DNAH6: variants seen among roughly 807,000 people sequenced by gnomAD.
DNAH6 encodes dynein axonemal heavy chain 6, also known as axonemal beta dynein heavy chain 6.
Under a neutral mutation model 491.4 loss-of-function variants are expected in DNAH6, and 340 were observed. The observed-to-expected ratio is 0.69, with a 90% CI of 0.63 to 0.76. The LOEUF (loss-of-function observed/expected upper bound fraction) is 0.76, where lower values mean the gene tolerates loss of function less well. Ranked by LOEUF, DNAH6 falls within the 30% of genes least tolerant of loss-of-function variation. The pLI is 0.00. For synonymous variants in DNAH6, 1,603 were observed against 1,686.1 expected, an observed-to-expected ratio of 0.95 and a Z score of 1.21; for missense variants, 4,443 against 4,972.2, an observed-to-expected ratio of 0.89 and a Z score of 3.20.
At chr2:84,784,414 A>G (rs761176063) in intron 65 of DNAH6, among the ~76,000 whole-genome samples, 4 of 152,214 alleles carry the variant, frequency 2.6e-5, no homozygotes, top group Admixed American at 6.5e-5. Context: ...TCAACTGAAA[A>G]TGTTTCCTAT....
chr2:84,688,238 CAA>C (rs34421243), intron 44 of DNAH6, among the ~76,000 whole-genome samples, 199 bp from the exon 45 acceptor site: 7 of 95,798 alleles, frequency 7.3e-5, no homozygotes, highest in Admixed American at 1.2e-4. Context: ...GACTCCATCT[CAA>C]AAAAAAAAAA....
Position 84,541,897 on chromosome 2 carries a change from G to A in DNAH6, c.663-2336G>A, listed in dbSNP as rs74503224. Among the ~76,000 whole-genome samples the A allele has an allele frequency of 2.1e-3, 319 of 152,274 alleles. 4 individuals carry two copies. In the East Asian group the frequency reaches 0.045, roughly 21 times the overall value. On this transcript the variant is annotated intron_variant, in intron 4 of 76. Coordinates refer to ENST00000389394, the MANE Select transcript of DNAH6 (RefSeq NM_001370.2). The stretch of plus-strand genomic sequence containing the variant: ...GAATACATAAAGATTCTCATTCTGC[G>A]ATGGACTCAGAAATCTAGATTCTTA...
intron 33 of DNAH6, among the ~76,000 whole-genome samples, chr2:84,647,917 A>C (rs1690048881): frequency 6.6e-6 from 1 of 152,204 alleles, no homozygotes; most frequent in Non-Finnish European, 1.5e-5. Context: ...GCATGATGTT[A>C]ACATTGTTTT....
At chr2:84,694,226 AC>A in intron 45 of DNAH6, 22 bp from the exon 46 acceptor site, 1 of 1,546,080 alleles carries the variant, frequency 6.5e-7, no homozygotes, top group Non-Finnish European at 8.8e-7. Flanking sequence ...CTTGAAATAA[AC>A]CCTCTGCTCT....
Position 84,688,600 on chromosome 2 carries a change from T to C in DNAH6, c.7292+7T>C, listed in dbSNP as rs919880871. ...CTATAGAACATGTTTCAAGGTATAGTGCTATAAGGCGCCCAATAATGCATT... is the reference window on the plus strand; with the variant it reads ...CTATAGAACATGTTTCAAGGTATAGCGCTATAAGGCGCCCAATAATGCATT... On this transcript the variant is annotated splice_region_variant and intron_variant, in intron 45 of 76. Transcript: ENST00000389394. The C allele has an allele frequency of 6.6e-7, 1 of 1,519,732 alleles. No individual in the cohort carries two copies. The highest frequency in any genetic ancestry group is 1.4e-5 in the African/African-American group (1 of 70,790). The allele number at this position is 1,519,732 out of a possible 1,614,324, so 94.1% of individuals were successfully genotyped here.
the DNAH6 span, among the ~76,000 whole-genome samples, chr2:84,506,886 G>A: frequency 6.6e-6 from 1 of 152,048 alleles, no homozygotes; most frequent in East Asian, 1.9e-4. Context: ...TAGATATGTG[G>A]CATTATTTCT....
chr2:84,584,128 C>T lies in DNAH6; in HGVS notation c.2359C>T (p.Arg787Trp), dbSNP rs528837161. 247 of 1,614,036 alleles carry T rather than the reference C, an allele frequency of 1.5e-4. 2 individuals carry two copies. The South Asian group carries it at 2.0e-3, about 13-fold the overall frequency. ...ATMKPSIVAV[R>W]NAIDKSVGDR... ...TATGAAGCCATCCATTGTTGCTGTT[C>T]GGAATGCCATTGATAAATCAGTGGG... Residue 787 changes from arginine (R) to tryptophan (W), a missense_variant, in exon 15 of 77, where the codon CGG becomes TGG. Around this residue, in one of 3 missense-constraint regions of DNAH6, gnomAD observed 2,977 missense variants for 3,296.6 expected, o/e 0.90. Transcript: ENST00000389394.
intron 18 of DNAH6, 51 bp from the exon 19 acceptor site, chr2:84,604,288 T>G: frequency 7.1e-7 from 1 of 1,407,574 alleles, no homozygotes; most frequent in Non-Finnish European, 9.8e-7. Flanking sequence ...ACCTGTGGGT[T>G]ATATTTTTAA....
intron 64 of DNAH6, among the ~76,000 whole-genome samples, chr2:84,781,231 C>A (rs1273169378): frequency 6.6e-6 from 1 of 152,122 alleles, no homozygotes; most frequent in Non-Finnish European, 1.5e-5. Context: ...AGTGTATCAG[C>A]ACAGGTCTCT....
chr2:84,702,796 A>G (rs146016978), intron 49 of DNAH6, among the ~76,000 whole-genome samples: 149 of 152,232 alleles, frequency 9.8e-4, no homozygotes, highest in African/African-American at 3.4e-3. Flanking sequence ...TCAGCCTCCC[A>G]AAGTGCTGGC....
In DNAH6 at chr2:84,656,567, T is replaced by C. The variant is rs534479253; in HGVS notation, c.5758-1725T>C. On this transcript the variant is annotated intron_variant, in intron 35 of 76. Coordinates refer to ENST00000389394, the MANE Select transcript of DNAH6 (RefSeq NM_001370.2). ...AGCATCTTTTCATATGTTTGTTTGC[T>C]ATCTATGTATCGTATTTCATGAGGT... Among the ~76,000 whole-genome samples, 8 of 152,222 alleles carry C rather than the reference T, an allele frequency of 5.3e-5. No homozygotes were observed. In the South Asian group the frequency reaches 1.7e-3, roughly 32 times the overall value.
chr2:84,509,951 G>T, the DNAH6 span, among the ~76,000 whole-genome samples: 46 of 152,330 alleles, frequency 3.0e-4, 1 homozygote, highest in African/African-American at 1.1e-3. Context: ...TTAGCTGTTA[G>T]TCTGATGGGC....
At chr2:84,798,822 G>A (rs1046448796) in intron 70 of DNAH6, among the ~76,000 whole-genome samples, 2 of 152,090 alleles carry the variant, frequency 1.3e-5, no homozygotes, top group African/African-American at 2.4e-5. Flanking sequence ...TAGGGGCCAG[G>A]GGAAAAATCC....
At chr2:84,479,535 T>C in the DNAH6 span, among the ~76,000 whole-genome samples, 1 of 152,236 alleles carries the variant, frequency 6.6e-6, no homozygotes, top group African/African-American at 2.4e-5. Flanking sequence ...ATTACCAATG[T>C]CTACACACAA....
Position 84,670,487 on chromosome 2 carries a change from T to G in DNAH6, c.6454+12T>G. The G allele has an allele frequency of 6.8e-7, 1 of 1,479,712 alleles. No homozygotes were observed. Among genetic ancestry groups the G allele is most frequent in the Non-Finnish European group, 9.1e-7 (1 of 1,095,620 alleles). The allele number at this position is 1,479,712 out of a possible 1,614,324, so 91.7% of individuals were successfully genotyped here. A position where few individuals can be genotyped will look rare whatever the true frequency, so the allele number is the denominator to read the frequency against. The stretch of plus-strand genomic sequence containing the variant: ...AAAAAATATTCTAGGTAAGAATCAT[T>G]ATTTTAGTTTGTCCCACACAAATTA... On this transcript the variant is annotated intron_variant, in intron 39 of 76. Transcript: ENST00000389394.
Position 84,672,493 on chromosome 2 carries a change from A to G in DNAH6, c.6612+9A>G, listed in dbSNP as rs1232980742. 3 of 1,545,144 alleles carry G rather than the reference A, an allele frequency of 1.9e-6. No individual in the cohort carries two copies. Among genetic ancestry groups the G allele is most frequent in the Non-Finnish European group, 2.6e-6 (3 of 1,143,866 alleles). ...TTTGGAAAGAAATACAGGTTACTTT[A>G]GCTTTTAAATTACTTGGTGTGCTTA... On this transcript the variant is annotated intron_variant, in intron 40 of 76. Transcript: ENST00000389394.
the DNAH6 span, among the ~76,000 whole-genome samples, chr2:84,502,295 G>A: frequency 3.2e-4 from 48 of 152,148 alleles, 1 homozygote; most frequent in East Asian, 5.2e-3. Context: ...CATTCGGAGC[G>A]TATTGTTTAC....
At chr2:84,537,812 C>A (rs961651563) in intron 4 of DNAH6, among the ~76,000 whole-genome samples, 1 of 151,990 alleles carries the variant, frequency 6.6e-6, no homozygotes, top group African/African-American at 2.4e-5. Flanking sequence ...TCACATTTTG[C>A]TGTTTTTTGT....
chr2:84,553,387 TTCTTTCTTTCTTTC>T (rs1354337687), intron 10 of DNAH6, among the ~76,000 whole-genome samples: 16 of 137,598 alleles, frequency 1.2e-4, no homozygotes, highest in African/African-American at 2.9e-4. Context: ...CTTTCTTTCT[TTCTTTCTTTCTTTC>T]TTTCTTTCTT....
Sources: allele counts gnomAD v4.1 joint callset (sites outside exome capture counted in the v4.1 genomes callset), GRCh38; gene constraint gnomAD v4.1.1; regional missense constraint gnomAD v4.1.1; transcripts MANE v1.5; gene names NCBI Gene and HGNC (gene_info 2026-07-23, HGNC 2026-07-21).